The following ATAD2B variants were observed in gnomAD, a reference collection of about 807,000 sequenced individuals.
The protein encoded by ATAD2B is ATPase family AAA domain-containing protein 2B.
Under a neutral mutation model 167.6 loss-of-function variants are expected in ATAD2B, and 40 were observed. That is an observed-to-expected ratio of 0.24 (90% CI 0.19 to 0.31). ATAD2B has a LOEUF of 0.31. ATAD2B is among the 10% of genes least tolerant of loss of function. The probability of loss-of-function intolerance (pLI) is 1.00; values close to 1 mark genes in which losing one functional copy is unlikely to be tolerated. For missense variants in ATAD2B, 1,242 were observed against 1,757.2 expected (o/e 0.71, Z 5.24); for synonymous variants, 579 against 596.5 (o/e 0.97, Z 0.43).
At chr2:23,816,270 C>T (rs549977851) in intron 17 of ATAD2B, among the ~76,000 whole-genome samples, 1 of 152,306 alleles carries the variant, frequency 6.6e-6, no homozygotes, top group East Asian at 1.9e-4. Flanking sequence ...AATGTATACA[C>T]TCTTTGACAC....
Position 23,792,962 on chromosome 2 carries a change from C to CAAAAAAA in ATAD2B, c.2641-4322_2641-4316dup, listed in dbSNP as rs36015161. On this transcript the variant is annotated intron_variant, in intron 19 of 27. Transcript: ENST00000238789. ...TGGGCAACAGCGAGAGACTCTGTCTCAAAAAAAAAAAAAAAAAAAAAAAAA... is the reference window on the plus strand; with the variant it reads ...TGGGCAACAGCGAGAGACTCTGTCTCAAAAAAAAAAAAAAAAAAAAAAAAAAAAAAAA... 4.0e-3 allele frequency among the ~76,000 whole-genome samples: 169 copies of CAAAAAAA among 42,520 alleles called. 32 individuals carry two copies. The highest frequency in any genetic ancestry group is 7.8e-3 in the African/African-American group (68 of 8,716). The allele number at this position is 42,520 out of a possible 152,430, so 27.9% of individuals were successfully genotyped here.
chr2:23,722,414 CAG>C, the ATAD2B span, among the ~76,000 whole-genome samples: 1 of 152,116 alleles, frequency 6.6e-6, no homozygotes. Flanking sequence ...AAGAACCAAA[CAG>C]AAATCCTGGA....
At chr2:23,825,115 T>TTA (rs1688050131) in intron 15 of ATAD2B, among the ~76,000 whole-genome samples, 1 of 147,374 alleles carries the variant, frequency 6.8e-6, no homozygotes. Context: ...GCTAATTTTT[T>TTA]TTTTTTTTTT....
the ATAD2B span, among the ~76,000 whole-genome samples, chr2:23,727,107 A>G: frequency 1.3e-5 from 2 of 152,142 alleles, no homozygotes; most frequent in Admixed American, 1.3e-4. Context: ...AATAATATAT[A>G]TAAGTTAAAA....
At chr2:23,924,645 A>C (rs1235734835) in intron 1 of ATAD2B, among the ~76,000 whole-genome samples, 1 of 152,242 alleles carries the variant, frequency 6.6e-6, no homozygotes, top group Non-Finnish European at 1.5e-5. Context: ...AAATCTTCTT[A>C]AGACTGAAAA....
At chr2:23,766,283 A>C (rs533729997) in intron 22 of ATAD2B, among the ~76,000 whole-genome samples, 6 of 152,308 alleles carry the variant, frequency 3.9e-5, no homozygotes, top group African/African-American at 1.4e-4. Context: ...CCCATTCATA[A>C]ACAATACAAT....
intron 17 of ATAD2B, among the ~76,000 whole-genome samples, chr2:23,812,835 T>C (rs2149558695): frequency 8.7e-6 from 1 of 114,508 alleles, no homozygotes; most frequent in East Asian, 2.5e-4. Context: ...TGCAACAGAG[T>C]GAGACTCAGT....
chr2:23,741,555 A>C, the ATAD2B span, among the ~76,000 whole-genome samples: 1 of 152,200 alleles, frequency 6.6e-6, no homozygotes, highest in Non-Finnish European at 1.5e-5. Flanking sequence ...AATTAATTCA[A>C]GATGGATTAA....
At chr2:23,883,449 TC>T in intron 6 of ATAD2B, 1 of 239,000 alleles carries the variant, frequency 4.2e-6, no homozygotes, top group Non-Finnish European at 8.6e-6. Context: ...TATCTAAATA[TC>T]CAAAACATTA....
chr2:23,786,876 A>AAAAC (rs1206098082), intron 20 of ATAD2B, among the ~76,000 whole-genome samples: 1 of 152,120 alleles, frequency 6.6e-6, no homozygotes, highest in Non-Finnish European at 1.5e-5. Flanking sequence ...ACCTTGTTTA[A>AAAAC]AAACTGCTTC....
At chr2:23,816,092 A>G (rs1225194166) in intron 17 of ATAD2B, among the ~76,000 whole-genome samples, 1 of 152,218 alleles carries the variant, frequency 6.6e-6, no homozygotes, top group Non-Finnish European at 1.5e-5. Flanking sequence ...CAAGTCAACT[A>G]AACAAAAAGA....
chr2:23,904,294 G>A (rs1339694718), intron 1 of ATAD2B, among the ~76,000 whole-genome samples: 2 of 152,092 alleles, frequency 1.3e-5, no homozygotes, highest in Non-Finnish European at 2.9e-5. Flanking sequence ...TAAAACAAGA[G>A]GAGTTAAACT....
At chr2:23,703,050 C>A in the ATAD2B span, 1 of 541,258 alleles carries the variant, frequency 1.8e-6, no homozygotes, top group Non-Finnish European at 3.0e-6. Flanking sequence ...CAGTGCCCCC[C>A]ACTGCTGGTG....
At chr2:23,748,048 T>A (rs907891488), downstream of ATAD2B, among the ~76,000 whole-genome samples, 8 of 152,236 alleles carry the variant, frequency 5.3e-5, no homozygotes, top group Non-Finnish European at 1.0e-4. Flanking sequence ...CAGACAAAAG[T>A]TGAAATTATA....
At chr2:23,810,785 C>T (rs1020594194) in intron 17 of ATAD2B, among the ~76,000 whole-genome samples, 1 of 151,990 alleles carries the variant, frequency 6.6e-6, no homozygotes, top group African/African-American at 2.4e-5. Context: ...CCAAGGTGGG[C>T]GGATCACCTG....
intron 24 of ATAD2B, among the ~76,000 whole-genome samples, chr2:23,760,713 C>CACATAT (rs1419011114): frequency 7.1e-6 from 1 of 141,358 alleles, no homozygotes; most frequent in African/African-American, 2.6e-5. Context: ...CACACACACA[C>CACATAT]ACACACACAC....
chr2:23,703,366 G>T, the ATAD2B span: 1 of 1,506,234 alleles, frequency 6.6e-7, no homozygotes, highest in Non-Finnish European at 8.9e-7. Context: ...GCTTCATCGA[G>T]TCCCCAATGA....
At chr2:23,771,850 G>A (rs933903682) in intron 22 of ATAD2B, among the ~76,000 whole-genome samples, 1 of 152,144 alleles carries the variant, frequency 6.6e-6, no homozygotes, top group Non-Finnish European at 1.5e-5. Flanking sequence ...AGGACCTCCT[G>A]GAGATAGCCA....
chr2:23,801,882 A>G (rs1006553950), intron 18 of ATAD2B, among the ~76,000 whole-genome samples: 3 of 152,134 alleles, frequency 2.0e-5, no homozygotes, highest in Non-Finnish European at 4.4e-5. Flanking sequence ...TAAACTTTGA[A>G]GTCAGCATTT....
Sources: allele counts gnomAD v4.1 joint callset (sites outside exome capture counted in the v4.1 genomes callset), GRCh38; gene constraint gnomAD v4.1.1; transcripts MANE v1.5; gene names NCBI Gene and HGNC (gene_info 2026-07-23, HGNC 2026-07-21).